The following TPTE2 variants were observed in gnomAD, a reference collection of about 807,000 sequenced individuals.
The protein encoded by TPTE2 is phosphatidylinositol 3,4,5-trisphosphate 3-phosphatase TPTE2.
In TPTE2, 53 loss-of-function variants were observed where a neutral mutation model predicts 78.6. The ratio of observed to expected loss-of-function variants is 0.67; its 90% CI spans 0.54 to 0.85. TPTE2 has a LOEUF of 0.85. Among genes scored for constraint, TPTE2 ranks in the 40% least tolerant of loss-of-function variants. The probability of loss-of-function intolerance (pLI) is 0.00; values close to 1 mark genes in which losing one functional copy is unlikely to be tolerated. For missense variants in TPTE2, 461 were observed against 623.0 expected, an observed-to-expected ratio of 0.74 and a Z score of 2.77; for synonymous variants, 175 against 206.2, an observed-to-expected ratio of 0.85 and a Z score of 1.30.
chr13:19,537,642 G>A (rs142055877), upstream of TPTE2, among the ~76,000 whole-genome samples: 2,619 of 148,382 alleles, frequency 0.018, 36 homozygotes, highest in Middle Eastern at 0.049. Context: ...TCACTCTGTC[G>A]CCAAGGCTGG....
At chr13:19,483,059 C>G (rs1880453461) in intron 3 of TPTE2, among the ~76,000 whole-genome samples, 1 of 152,206 alleles carries the variant, frequency 6.6e-6, no homozygotes, top group African/African-American at 2.4e-5. Context: ...TAATTAAAAA[C>G]TACTTTATTG....
intron 6 of TPTE2, among the ~76,000 whole-genome samples, chr13:19,473,501 T>TGG (rs111594346): frequency 2.6e-5 from 4 of 151,942 alleles, no homozygotes; most frequent in South Asian, 2.1e-4. Flanking sequence ...ACACAGGCCA[T>TGG]GGGGGGTACT....
upstream of TPTE2, among the ~76,000 whole-genome samples, chr13:19,538,691 AT>A (rs1473464319): frequency 6.6e-6 from 1 of 151,570 alleles, no homozygotes; most frequent in Non-Finnish European, 1.5e-5. Context: ...AATTTTTTGT[AT>A]TTTTAGTGGA....
intron 1 of TPTE2, among the ~76,000 whole-genome samples, chr13:19,498,279 A>G (rs1593400355): frequency 1.3e-5 from 2 of 151,642 alleles, no homozygotes; most frequent in South Asian, 2.1e-4. Flanking sequence ...CAACGTTCAG[A>G]TTCAGGAAAT....
chr13:19,469,566 C>T (rs1233593650), intron 6 of TPTE2, among the ~76,000 whole-genome samples: 2 of 152,078 alleles, frequency 1.3e-5, no homozygotes, highest in African/African-American at 2.4e-5. Context: ...TGAAGAATGT[C>T]ATTCATATTT....
chr13:19,461,545 AT>A (rs918815600), intron 10 of TPTE2, among the ~76,000 whole-genome samples: 12 of 152,138 alleles, frequency 7.9e-5, no homozygotes, highest in Non-Finnish European at 1.5e-4. Context: ...TAAATCTCAT[AT>A]TTCTTTGTTG....
the TPTE2 span, among the ~76,000 whole-genome samples, chr13:19,548,011 TAA>T: frequency 3.9e-5 from 6 of 152,052 alleles, no homozygotes; most frequent in Non-Finnish European, 7.4e-5. Context: ...AAAGAAAACA[TAA>T]GAGATAGTGA....
At chr13:19,451,485 A>G (rs7335105) in intron 10 of TPTE2, among the ~76,000 whole-genome samples, 72 of 152,296 alleles carry the variant, frequency 4.7e-4, no homozygotes, top group African/African-American at 1.7e-3. Flanking sequence ...ACATAAGTAA[A>G]TTAGCTGGTT....
At chr13:19,523,279 A>G (rs1200692651) in intron 1 of TPTE2, among the ~76,000 whole-genome samples, 1 of 152,154 alleles carries the variant, frequency 6.6e-6, no homozygotes, top group East Asian at 1.9e-4. Context: ...AACACTACAA[A>G]GCTCACTATT....
intron 1 of TPTE2, among the ~76,000 whole-genome samples, chr13:19,519,412 G>T (rs1321805255): frequency 1.3e-5 from 2 of 152,076 alleles, no homozygotes; most frequent in African/African-American, 4.8e-5. Flanking sequence ...CATAGTTTTG[G>T]ATCTTACATT....
chr13:19,492,519 G>A (rs1302118832), intron 3 of TPTE2, among the ~76,000 whole-genome samples: 1 of 152,126 alleles, frequency 6.6e-6, no homozygotes, highest in Admixed American at 6.6e-5. Flanking sequence ...ACACTAACAG[G>A]AAGAAGCAGC....
chr13:19,443,075 AAATTATAACC>A (rs1877593606), intron 13 of TPTE2, among the ~76,000 whole-genome samples: 1 of 152,090 alleles, frequency 6.6e-6, no homozygotes, highest in Admixed American at 6.5e-5. Flanking sequence ...TGAGAAAGGA[AAATTATAACC>A]AATTGCCCAG....
chr13:19,482,769 T>G (rs189642359), intron 3 of TPTE2, among the ~76,000 whole-genome samples: 30 of 151,676 alleles, frequency 2.0e-4, no homozygotes, highest in African/African-American at 6.7e-4. Flanking sequence ...TTGCATATTT[T>G]TATCTTCTTT....
chr13:19,431,019 T>C (rs1373443101), intron 16 of TPTE2, among the ~76,000 whole-genome samples: 2 of 150,778 alleles, frequency 1.3e-5, no homozygotes, highest in East Asian at 2.0e-4. Flanking sequence ...CCTAGCTACT[T>C]GGGAGGCTGA....
chr13:19,529,941 C>A (rs1463030738), intron 1 of TPTE2, among the ~76,000 whole-genome samples: 3 of 152,114 alleles, frequency 2.0e-5, no homozygotes, highest in Non-Finnish European at 4.4e-5. Context: ...TGAAGTAGCC[C>A]CAGAAACTCA....
intron 19 of TPTE2, among the ~76,000 whole-genome samples, chr13:19,423,820 C>T (rs1017580812): frequency 1.2e-4 from 18 of 152,180 alleles, no homozygotes; most frequent in African/African-American, 3.6e-4. Flanking sequence ...AAAATGAACG[C>T]AGTGTTTTAA....
chr13:19,520,756 G>C (rs537438643), intron 1 of TPTE2, among the ~76,000 whole-genome samples: 47 of 151,794 alleles, frequency 3.1e-4, no homozygotes, highest in Non-Finnish European at 6.8e-4. Flanking sequence ...CTTTAAGCAT[G>C]GCATTAGCTG....
upstream of TPTE2, among the ~76,000 whole-genome samples, chr13:19,537,662 GTA>G: frequency 4.0e-5 from 6 of 151,616 alleles, no homozygotes; most frequent in African/African-American, 1.5e-4. Context: ...GAGTGCAGTG[GTA>G]CTGTGTTGGC....
At chr13:19,544,294 T>C in the TPTE2 span, among the ~76,000 whole-genome samples, 1 of 152,054 alleles carries the variant, frequency 6.6e-6, no homozygotes. Context: ...CTTAGTAACA[T>C]TATATTTTTT....
Sources: gnomAD v4.1 joint callset for allele counts (sites outside exome capture counted in the v4.1 genomes callset) on GRCh38, gnomAD v4.1.1 for gene constraint, MANE v1.5 for transcripts, NCBI Gene and HGNC (gene_info 2026-07-23, HGNC 2026-07-21) for gene names.